NNT: variants seen among roughly 807,000 people sequenced by gnomAD.
The protein encoded by NNT is nicotinamide nucleotide transhydrogenase, also known as NAD(P) transhydrogenase, mitochondrial.
Under a neutral mutation model 104.8 loss-of-function variants are expected in NNT, and 50 were observed. The observed-to-expected ratio is 0.48, with a 90% confidence interval of 0.38 to 0.60. NNT has a LOEUF of 0.60. NNT is among the 20% of genes least tolerant of loss of function. The probability of loss-of-function intolerance (pLI) is 0.00; values close to 1 mark genes in which losing one functional copy is unlikely to be tolerated. For synonymous variants in NNT, 461 were observed against 490.4 expected (o/e 0.94, Z 0.79); for missense variants, 1,131 against 1,330.7 (o/e 0.85, Z 2.33).
intron 19 of NNT, among the ~76,000 whole-genome samples, chr5:43,692,561 T>C (rs1318778391): frequency 6.6e-6 from 1 of 152,206 alleles, no homozygotes; most frequent in Non-Finnish European, 1.5e-5. Flanking sequence ...TGACCTCAGG[T>C]GATCCATCCG....
chr5:43,674,131 G>A (rs771369805), intron 17 of NNT, among the ~76,000 whole-genome samples: 1 of 151,856 alleles, frequency 6.6e-6, no homozygotes, highest in Non-Finnish European at 1.5e-5. Flanking sequence ...AGACAAATTT[G>A]TCAGACTTTG....
Position 43,705,930 on chromosome 5 carries a change from C to T in NNT, c.*1526C>T, listed in dbSNP as rs1743083284. 6.6e-6 allele frequency: 1 copy of T among 152,066 alleles called. No homozygotes were observed. Among genetic ancestry groups the T allele is most frequent in the Non-Finnish European group, 1.5e-5 (1 of 67,958 alleles). The allele number at this position is 152,066 out of a possible 1,614,324, so 9.4% of individuals were successfully genotyped here. A position where few individuals can be genotyped will look rare whatever the true frequency, so the allele number is the denominator to read the frequency against. On this transcript the variant is annotated 3_prime_UTR_variant, in exon 22 of 22. Transcript: ENST00000344920. ...TCTATTAGAAGAAAGTAAACACCAT[C>T]TTTATTCCTGCCCTTTTTCTTCTCT...
At chr5:43,654,616 G>A (rs573587587) in intron 14 of NNT, among the ~76,000 whole-genome samples, 1 of 152,250 alleles carries the variant, frequency 6.6e-6, no homozygotes, top group Admixed American at 6.5e-5. Context: ...GGCTACAGAT[G>A]TAAGAGTTTA....
Position 43,659,335 on chromosome 5 carries a change from A to G in NNT, c.2619A>G (p.Ser873=). 3 of 1,611,000 alleles carry G rather than the reference A, an allele frequency of 1.9e-6. No homozygotes were observed. Among genetic ancestry groups the G allele is most frequent in the Non-Finnish European group, 2.5e-6 (3 of 1,179,044 alleles). ...ALIGSSGAIL[S]YIMCVAMNRS... is the part of the protein sequence containing the mutation. ...TAGGCTCGTCTGGTGCTATCCTGTCATACATCATGTGTGTGGTAAGAAACA... is the reference window on the plus strand; with the variant it reads ...TAGGCTCGTCTGGTGCTATCCTGTCGTACATCATGTGTGTGGTAAGAAACA... The change falls in exon 17 of 22, where the codon TCA becomes TCG. Residue 873 remains serine (S), a synonymous_variant. Coordinates refer to ENST00000344920, the MANE Select transcript of NNT (RefSeq NM_182977.3).
intron 6 of NNT, among the ~76,000 whole-genome samples, chr5:43,624,678 A>G (rs956678572): frequency 2.6e-5 from 4 of 152,234 alleles, no homozygotes; most frequent in African/African-American, 9.6e-5. Context: ...TATTTCTTTA[A>G]TGCAGACATA....
chr5:43,676,228 C>T (rs771052941), intron 18 of NNT, among the ~76,000 whole-genome samples: 2 of 152,146 alleles, frequency 1.3e-5, no homozygotes, highest in Non-Finnish European at 2.9e-5. Context: ...CTCCAGGCCT[C>T]AATTTTCCAG....
At chr5:43,701,599 G>A (rs1011810519) in intron 20 of NNT, among the ~76,000 whole-genome samples, 1 of 152,188 alleles carries the variant, frequency 6.6e-6, no homozygotes, top group Non-Finnish European at 1.5e-5. Flanking sequence ...TATGTACGCA[G>A]TAGTGGGATT....
chr5:43,661,356 ATTAC>A (rs1740346328), intron 17 of NNT, among the ~76,000 whole-genome samples: 2 of 152,230 alleles, frequency 1.3e-5, no homozygotes, highest in South Asian at 4.1e-4. Flanking sequence ...GATTTTCATT[ATTAC>A]TTAAACTTGC....
At chr5:43,658,895 T>C (rs1194150352) in intron 16 of NNT, among the ~76,000 whole-genome samples, 2 of 152,168 alleles carry the variant, frequency 1.3e-5, no homozygotes, top group Non-Finnish European at 2.9e-5. Flanking sequence ...TTTTTCCAAA[T>C]GTAGACGCTT....
rs1310700223 is a variant in NNT at position 43,705,441 on chromosome 5, A to T, written c.*1037A>T. ...TTTGAGAGAAATGGTGGCTTTTTTT[A>T]GCTACCTCTTTGTTCATTTAAGCAC... On this transcript the variant is annotated 3_prime_UTR_variant, in exon 22 of 22. Coordinates refer to ENST00000344920, the MANE Select transcript of NNT (RefSeq NM_182977.3). 1 of 152,044 alleles carries T rather than the reference A, an allele frequency of 6.6e-6. No individual in the cohort carries two copies. The highest frequency in any genetic ancestry group is 2.4e-5 in the African/African-American group (1 of 41,414). 9.4% of individuals were successfully genotyped at this position (152,044 alleles called of 1,614,324 possible).
At chr5:43,671,858 G>A (rs544787222) in intron 17 of NNT, among the ~76,000 whole-genome samples, 30 of 152,080 alleles carry the variant, frequency 2.0e-4, no homozygotes, top group Non-Finnish European at 4.1e-4. Flanking sequence ...AAGTTCTCCC[G>A]GATAATATCC....
At chr5:43,623,420 C>T (rs1355050397) in intron 5 of NNT, among the ~76,000 whole-genome samples, 6 of 152,114 alleles carry the variant, frequency 3.9e-5, no homozygotes, top group Non-Finnish European at 8.8e-5. Flanking sequence ...TTTTGGTTCT[C>T]TTGTTGCTGA....
intron 5 of NNT, 64 bp downstream of exon 5, chr5:43,619,183 C>T (rs1313307307): frequency 3.4e-6 from 3 of 892,270 alleles, no homozygotes; most frequent in Admixed American, 2.9e-5. Flanking sequence ...TATGTATAGT[C>T]TTAAAATACA....
intron 17 of NNT, among the ~76,000 whole-genome samples, chr5:43,670,113 G>T (rs1580082459): frequency 6.6e-6 from 1 of 151,962 alleles, no homozygotes. Flanking sequence ...TATTTCTGTG[G>T]GATTGGTGGT....
rs1751388655 is a variant in NNT, at chr5:43,644,313, C to T, written c.1086C>T (p.Leu362=). ...GNFETTKPGE[L]YIHKGITHIG... is the part of the protein sequence containing the mutation. ...TTGAAACCACTAAGCCAGGAGAACT[C>T]TACATTCATAAGGTATAGCAAGATG... Residue 362 remains leucine (L), a synonymous_variant, in exon 8 of 22, where the codon CTC becomes CTT. Transcript: ENST00000344920. The T allele has an allele frequency of 6.2e-7, 1 of 1,613,512 alleles. No individual in the cohort carries two copies. The highest frequency in any genetic ancestry group is 1.3e-5 in the African/African-American group (1 of 74,872).
At chr5:43,613,909 AGCCC>A (rs1749639910) in intron 3 of NNT, among the ~76,000 whole-genome samples, 1 of 152,152 alleles carries the variant, frequency 6.6e-6, no homozygotes, top group Admixed American at 6.5e-5. Context: ...CCTTACATAA[AGCCC>A]ACTGAATAAC....
intron 1 of NNT, among the ~76,000 whole-genome samples, chr5:43,603,925 C>G (rs1749068429): frequency 6.6e-6 from 1 of 152,098 alleles, no homozygotes; most frequent in Non-Finnish European, 1.5e-5. Flanking sequence ...AGAGGGCGAC[C>G]TGGGCAGAGC....
chr5:43,609,899 C>T (rs938654593), intron 2 of NNT, among the ~76,000 whole-genome samples: 12 of 152,188 alleles, frequency 7.9e-5, no homozygotes, highest in African/African-American at 2.2e-4. Context: ...TCCAAGCCAT[C>T]GTCATCTGTC....
intron 20 of NNT, among the ~76,000 whole-genome samples, chr5:43,701,325 T>A (rs1235768301): frequency 2.0e-5 from 3 of 152,166 alleles, no homozygotes; most frequent in Non-Finnish European, 4.4e-5. Context: ...TAAGTGAGAA[T>A]GTGCAGTATT....
Sources: gnomAD v4.1 joint callset for allele counts (sites outside exome capture counted in the v4.1 genomes callset) on GRCh38, gnomAD v4.1.1 for gene constraint, MANE v1.5 for transcripts, NCBI Gene and HGNC (gene_info 2026-07-23, HGNC 2026-07-21) for gene names.